Variants in DTX4 observed in about 807,000 individuals in gnomAD.
DTX4 encodes deltex E3 ubiquitin ligase 4.
Under a neutral mutation model 57.6 loss-of-function variants are expected in DTX4, and 28 were observed. That is an observed-to-expected ratio of 0.49 (90% CI 0.36 to 0.67). DTX4 has a LOEUF of 0.67. DTX4 is among the 30% of genes least tolerant of loss of function. The pLI, the probability that DTX4 is intolerant of heterozygous loss-of-function variation, is 0.00. For missense variants in DTX4, 715 were observed against 836.8 expected (o/e 0.85, Z 1.80); for synonymous variants, 316 against 331.0 (o/e 0.95, Z 0.49).
intron 5 of DTX4, 50 bp downstream of exon 5, chr11:59,191,225 C>A: frequency 1.3e-6 from 2 of 1,523,780 alleles, no homozygotes; most frequent in Non-Finnish European, 1.8e-6. Context: ...CACCCACAAG[C>A]ATTTCCTCTT....
Position 59,205,182 on chromosome 11 carries a change from A to C in DTX4, c.*273A>C. 1 of 414,676 alleles carries C rather than the reference A, an allele frequency of 2.4e-6. No homozygotes were observed. 25.7% of individuals were successfully genotyped at this position (414,676 alleles called of 1,614,324 possible). A position where few individuals can be genotyped will look rare whatever the true frequency, so the allele number is the denominator to read the frequency against. ...AGTTTTTGGTGCTGGGTAGGCAGGA[A>C]TCCCCTCCCTACCCCACCTCCCAAG... On this transcript the variant is annotated 3_prime_UTR_variant, in exon 9 of 9. Coordinates refer to ENST00000227451, the MANE Select transcript of DTX4 (RefSeq NM_015177.2).
intron 1 of DTX4, among the ~76,000 whole-genome samples, chr11:59,179,397 C>T (rs938374677): frequency 3.2e-4 from 49 of 152,210 alleles, no homozygotes; most frequent in Admixed American, 6.5e-5. Flanking sequence ...AGAGTGAGAA[C>T]TTCTGTTCCT....
intron 1 of DTX4, among the ~76,000 whole-genome samples, chr11:59,174,896 C>G (rs1299660890): frequency 1.3e-5 from 2 of 152,160 alleles, no homozygotes; most frequent in Non-Finnish European, 2.9e-5. Context: ...TGGTTTCATC[C>G]GCTCATTGCT....
chr11:59,195,913 C>T (rs1590988034), intron 7 of DTX4, among the ~76,000 whole-genome samples: 1 of 152,318 alleles, frequency 6.6e-6, no homozygotes, highest in East Asian at 1.9e-4. Flanking sequence ...GGTATTTGCA[C>T]TTGTAATTTG....
chr11:59,178,881 G>A (rs921887800), intron 1 of DTX4, among the ~76,000 whole-genome samples: 2 of 152,126 alleles, frequency 1.3e-5, no homozygotes, highest in Admixed American at 1.3e-4. Flanking sequence ...AGGGAACTCT[G>A]GGGGAATGCA....
Position 59,182,468 on chromosome 11 carries a change from T to C in DTX4, c.935+6T>C, listed in dbSNP as rs770643875. On this transcript the variant is annotated splice_donor_region_variant and intron_variant, in intron 2 of 8. Transcript: ENST00000227451. The stretch of plus-strand genomic sequence containing the variant: ...CGGGTGCTGATCGCCTCTGGGTAAG[T>C]GCTTCCACAGCTGCCTCAGAGCATT... 1 of 1,589,426 alleles carries C rather than the reference T, an allele frequency of 6.3e-7. No homozygotes were observed. Among genetic ancestry groups the C allele is most frequent in the East Asian group, 2.2e-5 (1 of 44,454 alleles).
chr11:59,198,615 T>C (rs191896074), intron 7 of DTX4, among the ~76,000 whole-genome samples: 484 of 152,242 alleles, frequency 3.2e-3, no homozygotes, highest in Non-Finnish European at 5.8e-3. Flanking sequence ...AAAAGAAAAA[T>C]CTGGGTTTTT....
At chr11:59,192,975 G>A (rs774044801) in intron 6 of DTX4, among the ~76,000 whole-genome samples, 5 of 152,212 alleles carry the variant, frequency 3.3e-5, no homozygotes, top group South Asian at 4.1e-4. Context: ...ATGTTCTTTC[G>A]TGTACCTGAG....
chr11:59,171,670 T>C (rs1291319354), upstream of DTX4, among the ~76,000 whole-genome samples: 1 of 151,834 alleles, frequency 6.6e-6, no homozygotes, highest in Non-Finnish European at 1.5e-5. Context: ...GACGGACAGC[T>C]AAGGATGCGG....
chr11:59,192,522 C>T (rs1181300598), intron 6 of DTX4, among the ~76,000 whole-genome samples: 2 of 152,102 alleles, frequency 1.3e-5, no homozygotes, highest in African/African-American at 4.8e-5. Context: ...GGTTTTGCCC[C>T]TGAGGGTTCT....
chr11:59,191,030 C>T (rs1862591057), intron 4 of DTX4, 84 bp from the exon 5 acceptor site: 2 of 1,301,392 alleles, frequency 1.5e-6, no homozygotes, highest in African/African-American at 1.5e-5. Context: ...CTGATAACGT[C>T]CCCCTCTACC....
intron 2 of DTX4, among the ~76,000 whole-genome samples, chr11:59,187,221 T>C (rs944761610): frequency 3.9e-5 from 6 of 152,358 alleles, no homozygotes; most frequent in Non-Finnish European, 7.3e-5. Context: ...CACAAGAGCC[T>C]GGCATAGTAA....
In DTX4 at chr11:59,172,293, T is replaced by C. The variant is rs1862334751; in HGVS notation, c.-303T>C. ...GAGTGGCTTTTGCAAGGCGGGGGCCTGTTTGCAGAGAGCCGGGCATTTGCA... is the reference window on the plus strand; with the variant it reads ...GAGTGGCTTTTGCAAGGCGGGGGCCCGTTTGCAGAGAGCCGGGCATTTGCA... On this transcript the variant is annotated 5_prime_UTR_variant, in exon 1 of 9. Coordinates refer to ENST00000227451, the MANE Select transcript of DTX4 (RefSeq NM_015177.2). Among the ~76,000 whole-genome samples, 3 of 151,784 alleles carry C rather than the reference T, an allele frequency of 2.0e-5. No homozygotes were observed. Among genetic ancestry groups the C allele is most frequent in the African/African-American group, 7.2e-5 (3 of 41,434 alleles).
intron 8 of DTX4, 141 bp from the exon 9 acceptor site, chr11:59,204,535 T>A: frequency 1.3e-6 from 1 of 757,516 alleles, no homozygotes; most frequent in Non-Finnish European, 2.1e-6. Flanking sequence ...CAAGTCCAAA[T>A]CTCTTTCTTT....
chr11:59,204,640 A>G (rs939195150), intron 8 of DTX4, 36 bp from the exon 9 acceptor site: 20 of 1,571,266 alleles, frequency 1.3e-5, no homozygotes, highest in Middle Eastern at 1.7e-4. Context: ...CTGCCAATTA[A>G]TGTCTGCCTT....
chr11:59,195,297 C>T lies in DTX4; in HGVS notation c.1464C>T (p.Ile488=). 1 of 1,613,930 alleles carries T rather than the reference C, an allele frequency of 6.2e-7. No homozygotes were observed. Among genetic ancestry groups the T allele is most frequent in the Non-Finnish European group, 8.5e-7 (1 of 1,179,848 alleles). ...CAGGGAAGATGGAGTACCACCTCAT[C>T]CCCCACTCCTTGCCTGGCCACCCAG... is the stretch of plus-strand genomic sequence containing the variant. The part of the protein sequence containing the change: ...QPPGKMEYHL[I]PHSLPGHPDC... The change falls in exon 7 of 9, where the codon ATC becomes ATT. Residue 488 remains isoleucine, a synonymous_variant. Transcript: ENST00000227451.
At position 59,191,164 on chromosome 11, in the gene DTX4, C is replaced by G; in HGVS notation, c.1210C>G (p.Pro404Ala). 6.4e-7 allele frequency: 1 copy of G among 1,571,590 alleles called. No individual in the cohort carries two copies. Among genetic ancestry groups the G allele is most frequent in the Non-Finnish European group, 8.6e-7 (1 of 1,158,396 alleles). The change falls in exon 5 of 9, where the codon CCA (proline) becomes GCA (alanine). Residue 404 changes from proline to alanine, a missense_variant. Physicochemically the swap from Pro to Ala is conservative, Grantham distance 27 (BLOSUM62 -1). Coordinates refer to ENST00000227451, the MANE Select transcript of DTX4 (RefSeq NM_015177.2). ...AAAATATCTACAGAAAGTCCGGCAC[C>G]CACCAGATGAGGTGAGTTCAGGGTT... ...LKKYLQKVRH[P>A]PDEDCTICME...
chr11:59,172,089 G>A (rs1247246283), upstream of DTX4, among the ~76,000 whole-genome samples: 4 of 151,914 alleles, frequency 2.6e-5, no homozygotes, highest in Non-Finnish European at 5.9e-5. Flanking sequence ...TGCGGCGAAG[G>A]GGTGGGGAGG....
intron 8 of DTX4, 47 bp from the exon 9 acceptor site, chr11:59,204,629 A>ACTGC: frequency 6.5e-7 from 1 of 1,535,988 alleles, no homozygotes. Flanking sequence ...ATAGTCTTTG[A>ACTGC]CTGCCAATTA....
Sources: allele counts gnomAD v4.1 joint callset (sites outside exome capture counted in the v4.1 genomes callset), GRCh38; gene constraint gnomAD v4.1.1; transcripts MANE v1.5; gene names NCBI Gene and HGNC (gene_info 2026-07-23, HGNC 2026-07-21).